NALF1: variants seen among roughly 807,000 people sequenced by gnomAD.
NALF1 encodes NALCN channel auxiliary factor 1.
Under a neutral mutation model 48.4 loss-of-function variants are expected in NALF1, and 3 were observed. The ratio of observed to expected loss-of-function variants is 0.06; its 90% CI spans 0.03 to 0.16. NALF1 has a LOEUF of 0.16. NALF1 is among the 10% of genes least tolerant of loss of function. NALF1 has a pLI of 1.00. For missense variants in NALF1, 526 were observed against 571.5 expected (o/e 0.92, Z 0.81); for synonymous variants, 262 against 245.7 (o/e 1.07, Z -0.62).
chr13:107,486,991 CAG>C (rs1480749520), intron 1 of NALF1, among the ~76,000 whole-genome samples: 2 of 152,088 alleles, frequency 1.3e-5, no homozygotes, highest in African/African-American at 2.4e-5. Context: ...AACTTGTAAA[CAG>C]AGAGACCTCA....
intron 1 of NALF1, among the ~76,000 whole-genome samples, chr13:107,621,578 C>T (rs1306137668): frequency 4.6e-5 from 7 of 152,194 alleles, no homozygotes; most frequent in East Asian, 3.8e-4. Context: ...CAAATGATTG[C>T]GTGATTTTTT....
At chr13:107,428,440 T>A (rs1884317384) in intron 1 of NALF1, among the ~76,000 whole-genome samples, 1 of 152,172 alleles carries the variant, frequency 6.6e-6, no homozygotes, top group Non-Finnish European at 1.5e-5. Context: ...TTAACATATC[T>A]GTAAAAAGTT....
chr13:107,783,193 G>A (rs1276256553), intron 1 of NALF1, among the ~76,000 whole-genome samples: 2 of 126,088 alleles, frequency 1.6e-5, no homozygotes, highest in Admixed American at 8.2e-5. Flanking sequence ...AGGGAGGTGG[G>A]GGGTCAGTCC....
chr13:107,409,519 T>C (rs1594047353), intron 1 of NALF1, among the ~76,000 whole-genome samples: 5 of 152,056 alleles, frequency 3.3e-5, no homozygotes, highest in Admixed American at 3.3e-4. Flanking sequence ...TGAGGAACAT[T>C]GGGGCTCAAA....
At chr13:107,212,593 A>G (rs931751028) in intron 1 of NALF1, among the ~76,000 whole-genome samples, 2 of 152,174 alleles carry the variant, frequency 1.3e-5, no homozygotes, top group African/African-American at 4.8e-5. Flanking sequence ...AAAAAGTGAA[A>G]TGATTTCTTA....
chr13:107,245,677 C>T (rs1357474956), intron 1 of NALF1, among the ~76,000 whole-genome samples: 1 of 152,166 alleles, frequency 6.6e-6, no homozygotes, highest in African/African-American at 2.4e-5. Context: ...GCCTATCACC[C>T]AGGCGGGAAG....
chr13:107,230,561 A>G (rs752170243), intron 1 of NALF1, among the ~76,000 whole-genome samples: 3 of 151,824 alleles, frequency 2.0e-5, no homozygotes, highest in South Asian at 2.1e-4. Context: ...TTATGGGGGG[A>G]AAATTACAAA....
chr13:107,486,182 C>T (rs551613566), intron 1 of NALF1, among the ~76,000 whole-genome samples: 3 of 152,258 alleles, frequency 2.0e-5, no homozygotes, highest in African/African-American at 4.8e-5. Flanking sequence ...TAACAAGGTT[C>T]GGTTTCCTCT....
In NALF1 at chr13:107,866,465, A is replaced by T; in HGVS notation, c.132T>A (p.Ser44=). ...RAQKWRLSLA[S]LLFFTVLLSD... is the part of the protein sequence containing the mutation. ...AGAGCAGGACTGTGAAAAACAAGAG[A>T]GATGCCAGAGACAGTCGCCATTTCT... The change falls in exon 1 of 3, where the codon TCT becomes TCA. Residue 44 remains serine, a synonymous_variant. Transcript: ENST00000375915. The surrounding 1 kb of genome is among the most constrained non-coding windows in gnomAD (Gnocchi z 4.4). 1 of 1,614,026 alleles carries T rather than the reference A, an allele frequency of 6.2e-7. No homozygotes were observed. The highest frequency in any genetic ancestry group is 1.1e-5 in the South Asian group (1 of 91,080).
chr13:107,546,667 G>A (rs560537421), intron 1 of NALF1, among the ~76,000 whole-genome samples: 1 of 151,768 alleles, frequency 6.6e-6, no homozygotes, highest in Non-Finnish European at 1.5e-5. Flanking sequence ...CTCTCTCCCG[G>A]CTAGCTTTCC....
intron 1 of NALF1, among the ~76,000 whole-genome samples, chr13:107,255,076 A>T (rs1302062866): frequency 6.6e-6 from 1 of 152,200 alleles, no homozygotes. Flanking sequence ...CCTACCCCAT[A>T]GAAAAAAGGA....
intron 2 of NALF1, among the ~76,000 whole-genome samples, chr13:107,204,300 A>G (rs550783167): frequency 6.6e-6 from 1 of 152,318 alleles, no homozygotes; most frequent in South Asian, 2.1e-4. Flanking sequence ...CCGCTCCGCA[A>G]GCACCACCAG....
intron 1 of NALF1, among the ~76,000 whole-genome samples, chr13:107,302,922 G>A (rs1375617483): frequency 6.6e-6 from 1 of 152,146 alleles, no homozygotes; most frequent in African/African-American, 2.4e-5. Flanking sequence ...CTTGAAGAAT[G>A]TGCAAAAACA....
intron 1 of NALF1, among the ~76,000 whole-genome samples, chr13:107,852,769 T>C (rs1880349716): frequency 6.6e-6 from 1 of 152,160 alleles, no homozygotes; most frequent in Non-Finnish European, 1.5e-5. Flanking sequence ...TTAAGTACAT[T>C]ATCTGTTGTC....
intron 1 of NALF1, among the ~76,000 whole-genome samples, chr13:107,286,586 C>CAAAAA (rs1159508752): frequency 6.9e-5 from 7 of 102,010 alleles, no homozygotes; most frequent in Admixed American, 1.0e-4. Context: ...GACCCTGTCT[C>CAAAAA]AAAAAAAAAA....
At chr13:107,716,591 G>A (rs2138523792) in intron 1 of NALF1, among the ~76,000 whole-genome samples, 1 of 152,282 alleles carries the variant, frequency 6.6e-6, no homozygotes, top group East Asian at 1.9e-4. Context: ...AATCTTTACA[G>A]GGCATTATGC....
intron 1 of NALF1, among the ~76,000 whole-genome samples, chr13:107,257,867 A>G (rs74114027): frequency 0.11 from 17,204 of 152,198 alleles, 1,140 homozygotes; most frequent in African/African-American, 0.17. Flanking sequence ...TTCTCCTACC[A>G]GGAGTAGAAT....
At chr13:107,470,592 T>C (rs1885084148) in intron 1 of NALF1, among the ~76,000 whole-genome samples, 1 of 152,174 alleles carries the variant, frequency 6.6e-6, no homozygotes, top group Non-Finnish European at 1.5e-5. Flanking sequence ...TACATACATG[T>C]ACAAAAATGT....
chr13:107,451,532 A>T (rs7985443), intron 1 of NALF1, among the ~76,000 whole-genome samples: 95,260 of 152,048 alleles, frequency 0.63, 31,099 homozygotes, highest in Middle Eastern at 0.77. Context: ...GATGTTAAAG[A>T]TAGCTAGGAT....
Sources: gnomAD v4.1 joint callset for allele counts (sites outside exome capture counted in the v4.1 genomes callset) on GRCh38, gnomAD v4.1.1 for gene constraint, Gnocchi (gnomAD v3.1) non-coding constraint, MANE v1.5 for transcripts, NCBI Gene and HGNC (gene_info 2026-07-23, HGNC 2026-07-21) for gene names.